The following CCDC122 variants were observed in gnomAD, a reference collection of about 807,000 sequenced individuals.
CCDC122 encodes the protein coiled-coil domain containing 122, also known as coiled-coil domain-containing protein 122.
CCDC122 carries 38 observed loss-of-function variants against 37.0 expected under a neutral mutation model. That is an observed-to-expected ratio of 1.03 (90% CI 0.79 to 1.35). The LOEUF (loss-of-function observed/expected upper bound fraction) is 1.35, where lower values mean the gene tolerates loss of function less well. Among genes scored for constraint, CCDC122 ranks in the 40% most tolerant of loss-of-function variants. CCDC122 has a pLI of 0.00. For synonymous variants in CCDC122, 83 were observed against 95.6 expected (o/e 0.87, Z 0.77); for missense variants, 305 against 310.0 (o/e 0.98, Z 0.12).
intron 3 of CCDC122, among the ~76,000 whole-genome samples, chr13:43,829,667 T>C (rs1953070387): frequency 6.6e-6 from 1 of 151,990 alleles, no homozygotes; most frequent in East Asian, 1.9e-4. Flanking sequence ...TAGAAGGACA[T>C]AGAATCTGTA....
intron 4 of CCDC122, among the ~76,000 whole-genome samples, chr13:43,863,675 TTG>T (rs55637761): frequency 0.42 from 61,942 of 149,230 alleles, 13,852 homozygotes; most frequent in Non-Finnish European, 0.53. Flanking sequence ...TTCTAGTGGG[TTG>T]TGTGTGTGTG....
At chr13:43,872,638 GT>G (rs1594861165) in intron 2 of CCDC122, among the ~76,000 whole-genome samples, 1 of 152,124 alleles carries the variant, frequency 6.6e-6, no homozygotes, top group Admixed American at 6.6e-5. Context: ...TCAGCATACT[GT>G]TTTCTTGCAA....
downstream of CCDC122, among the ~76,000 whole-genome samples, chr13:43,822,047 G>C (rs764670509): frequency 6.6e-6 from 1 of 152,128 alleles, no homozygotes; most frequent in African/African-American, 2.4e-5. Context: ...CTTGATGCTC[G>C]TAGATGTTCG....
At position 43,837,221 on chromosome 13, in the gene CCDC122, T is replaced by C. The variant is rs954632341; in HGVS notation, c.*59A>G. 25 of 1,491,912 alleles carry C rather than the reference T, an allele frequency of 1.7e-5. No homozygotes were observed. Among genetic ancestry groups the C allele is most frequent in the Non-Finnish European group, 2.1e-5 (23 of 1,103,228 alleles). The allele number at this position is 1,491,912 out of a possible 1,614,324, so 92.4% of individuals were successfully genotyped here. A position where few individuals can be genotyped will look rare whatever the true frequency, so the allele number is the denominator to read the frequency against. ...TTAAGAATCCAAAAGATTTTCTTAA[T>C]GTTCTGTCCAGTAATTTTTGTTGTC... is the stretch of plus-strand genomic sequence containing the variant. On this transcript the variant is annotated 3_prime_UTR_variant, in exon 7 of 7. Coordinates refer to ENST00000444614, the MANE Select transcript of CCDC122 (RefSeq NM_144974.5).
chr13:43,828,091 T>A (rs1953056550), intron 3 of CCDC122, among the ~76,000 whole-genome samples: 1 of 152,208 alleles, frequency 6.6e-6, no homozygotes, highest in African/African-American at 2.4e-5. Flanking sequence ...AAGGATTCTG[T>A]GCCCATGGAA....
At chr13:43,827,498 T>C (rs1953050554) in intron 3 of CCDC122, among the ~76,000 whole-genome samples, 1 of 152,228 alleles carries the variant, frequency 6.6e-6, no homozygotes, top group Admixed American at 6.5e-5. Context: ...AACCTCTGTC[T>C]CTATAAATTT....
rs1228843622 is a variant in CCDC122, at chr13:43,869,444, T to C, written c.-68A>G. The stretch of plus-strand genomic sequence containing the variant: ...CTTTACTCCTACTCAATAATCTATA[T>C]TGATAATCTTTCACTTTTGTTTTTT... On this transcript the variant is annotated 5_prime_UTR_variant, in exon 3 of 7. Coordinates refer to ENST00000444614, the MANE Select transcript of CCDC122 (RefSeq NM_144974.5). 5 of 1,281,400 alleles carry C rather than the reference T, an allele frequency of 3.9e-6. No homozygotes were observed. Among genetic ancestry groups the C allele is most frequent in the Non-Finnish European group, 5.5e-6 (5 of 909,030 alleles). 79.4% of individuals were successfully genotyped at this position (1,281,400 alleles called of 1,614,324 possible).
At chr13:43,849,161 A>G (rs1018188683) in intron 6 of CCDC122, 15 of 664,448 alleles carry the variant, frequency 2.3e-5, no homozygotes, top group Non-Finnish European at 2.8e-5. Flanking sequence ...ATTAGAAGTA[A>G]TAGAATTGAA....
chr13:43,831,431 GGA>G (rs749360786), downstream of CCDC122, among the ~76,000 whole-genome samples: 11 of 152,094 alleles, frequency 7.2e-5, no homozygotes, highest in Non-Finnish European at 1.6e-4. Context: ...ATGGATTCTG[GGA>G]GAAACAGTCT....
intron 3 of CCDC122, among the ~76,000 whole-genome samples, chr13:43,829,524 T>C (rs1356573267): frequency 6.6e-6 from 1 of 152,152 alleles, no homozygotes; most frequent in African/African-American, 2.4e-5. Context: ...CAGGCTGTTC[T>C]CGAACTTCTG....
intron 6 of CCDC122, chr13:43,849,184 A>G: frequency 1.8e-6 from 1 of 563,062 alleles, no homozygotes; most frequent in Non-Finnish European, 2.2e-6. Context: ...GAAAAAGTTC[A>G]AAAGAATCTT....
chr13:43,830,541 C>G (rs1039975529), intron 3 of CCDC122, among the ~76,000 whole-genome samples: 3 of 152,080 alleles, frequency 2.0e-5, no homozygotes, highest in African/African-American at 7.2e-5. Flanking sequence ...GCAAACATCC[C>G]GGAGAAAGTC....
At chr13:43,858,749 A>G (rs1954009865) in intron 6 of CCDC122, 32 bp downstream of exon 6, 1 of 1,326,898 alleles carries the variant, frequency 7.5e-7, no homozygotes, top group Non-Finnish European at 1.0e-6. Flanking sequence ...ATGGTCCCAT[A>G]AAACATTGAA....
At chr13:43,871,285 T>C (rs7319725) in intron 2 of CCDC122, among the ~76,000 whole-genome samples, 78,447 of 151,806 alleles carry the variant, frequency 0.52, 20,710 homozygotes, top group Middle Eastern at 0.62. Context: ...GCTGCTGCAG[T>C]TCCAACAGAC....
intron 6 of CCDC122, among the ~76,000 whole-genome samples, chr13:43,841,975 G>C (rs1433677548): frequency 6.6e-6 from 1 of 152,168 alleles, no homozygotes; most frequent in Non-Finnish European, 1.5e-5. Flanking sequence ...CCAAAGTGCT[G>C]GGATTATGGG....
At chr13:43,842,992 C>T (rs753561212) in intron 6 of CCDC122, among the ~76,000 whole-genome samples, 3 of 151,882 alleles carry the variant, frequency 2.0e-5, no homozygotes, top group African/African-American at 2.4e-5. Context: ...TTTTTCTTTC[C>T]AATCTTTATG....
chr13:43,875,742 T>G (rs1594865517), intron 1 of CCDC122, among the ~76,000 whole-genome samples: 1 of 152,214 alleles, frequency 6.6e-6, no homozygotes, highest in African/African-American at 2.4e-5. Flanking sequence ...AAGTTGAGAC[T>G]AACAAAAAGA....
At chr13:43,857,629 G>A (rs1439965758) in intron 6 of CCDC122, among the ~76,000 whole-genome samples, 1 of 152,096 alleles carries the variant, frequency 6.6e-6, no homozygotes, top group Non-Finnish European at 1.5e-5. Context: ...CTGGCCGGGT[G>A]TGGTGGCTCA....
chr13:43,865,039 G>A lies in CCDC122; in HGVS notation c.156+3655C>T, dbSNP rs939251874. On this transcript the variant is annotated intron_variant, in intron 4 of 6. Coordinates refer to ENST00000444614, the MANE Select transcript of CCDC122 (RefSeq NM_144974.5). ...TATTGAGGTGCTGGAAGAGTGGAGC[G>A]CCCAGAGACAGCATAGAAGCTCCTT... Among the ~76,000 whole-genome samples the A allele has an allele frequency of 1.2e-4, 18 of 152,196 alleles. No homozygotes were observed. In the South Asian group the frequency reaches 2.5e-3, roughly 21 times the overall value.
Sources: allele counts gnomAD v4.1 joint callset (sites outside exome capture counted in the v4.1 genomes callset), GRCh38; gene constraint gnomAD v4.1.1; transcripts MANE v1.5; gene names NCBI Gene and HGNC (gene_info 2026-07-23, HGNC 2026-07-21).